The following STAU2 variants were observed in gnomAD, a reference collection of about 807,000 sequenced individuals.
STAU2 encodes the protein staufen double-stranded RNA binding protein 2, also known as double-stranded RNA-binding protein Staufen homolog 2.
Under a neutral mutation model 65.9 loss-of-function variants are expected in STAU2, and 20 were observed. That is an observed-to-expected ratio of 0.30 (90% CI 0.21 to 0.44). The LOEUF (loss-of-function observed/expected upper bound fraction) is 0.44. Ranked by LOEUF, STAU2 falls within the 20% of genes least tolerant of loss-of-function variation. STAU2 has a pLI of 1.00. For missense variants in STAU2, 558 were observed against 683.9 expected (o/e 0.82, Z 2.05); for synonymous variants, 232 against 233.9 (o/e 0.99, Z 0.07).
chr8:73,586,704 A>T (rs943259851), intron 11 of STAU2, among the ~76,000 whole-genome samples: 1 of 151,976 alleles, frequency 6.6e-6, no homozygotes, highest in South Asian at 2.1e-4. Context: ...CACCCATTAA[A>T]CAAGAATAGG....
chr8:73,705,903 G>T (rs1820473195), intron 4 of STAU2, among the ~76,000 whole-genome samples: 1 of 152,052 alleles, frequency 6.6e-6, no homozygotes, highest in Non-Finnish European at 1.5e-5. Flanking sequence ...CCAAACTCTG[G>T]CTGTACTTTT....
intron 6 of STAU2, among the ~76,000 whole-genome samples, chr8:73,659,524 C>T (rs564086919): frequency 3.7e-4 from 56 of 151,950 alleles, no homozygotes; most frequent in African/African-American, 1.2e-3. Context: ...GCAACAAGAG[C>T]GAAACTCTGT....
chr8:73,687,337 T>TTTATATTTATATATATAAATATAAA lies in STAU2; in HGVS notation c.274+1316_274+1317insTTTATATTTATATATATAAATATAA, dbSNP rs1563506804. Among the ~76,000 whole-genome samples, 45 of 100,890 alleles carry TTTATATTTATATATATAAATATAAA rather than the reference T, an allele frequency of 4.5e-4. 1 individual carries two copies. The highest frequency in any genetic ancestry group is 5.5e-4 in the Non-Finnish European group (30 of 54,892). 66.2% of individuals were successfully genotyped at this position (100,890 alleles called of 152,430 possible). A position where few individuals can be genotyped will look rare whatever the true frequency, so the allele number is the denominator to read the frequency against. On this transcript the variant is annotated intron_variant, in intron 5 of 14. Coordinates refer to ENST00000524300, the MANE Select transcript of STAU2 (RefSeq NM_001164380.2). ...TTTATATTTATATTTATAAATATAATTTATATTTATAATTTATATAATATA... is the reference window on the plus strand; with the variant it reads ...TTTATATTTATATTTATAAATATAATTTATATTTATATATATAAATATAAATTATATTTATAATTTATATAATATA...
At chr8:73,510,983 C>A (rs980184849) in intron 13 of STAU2, among the ~76,000 whole-genome samples, 5 of 152,224 alleles carry the variant, frequency 3.3e-5, no homozygotes, top group Admixed American at 2.6e-4. Context: ...TGCAGAAGGT[C>A]AACTGGCAGC....
At chr8:73,703,277 C>G (rs1820252551) in intron 4 of STAU2, among the ~76,000 whole-genome samples, 1 of 151,800 alleles carries the variant, frequency 6.6e-6, no homozygotes, top group South Asian at 2.1e-4. Flanking sequence ...TGTGTGGGAC[C>G]CCCCCAATCC....
chr8:73,451,713 G>T (rs984508919), intron 13 of STAU2, among the ~76,000 whole-genome samples: 4 of 152,198 alleles, frequency 2.6e-5, no homozygotes, highest in African/African-American at 9.6e-5. Flanking sequence ...GGAGAACAAG[G>T]GCTGTTTGTG....
chr8:73,640,842 C>T (rs1390685737), intron 6 of STAU2, among the ~76,000 whole-genome samples: 5 of 151,966 alleles, frequency 3.3e-5, no homozygotes, highest in Admixed American at 2.0e-4. Context: ...TTTTACTATG[C>T]CATTATTTTT....
At position 73,519,184 on chromosome 8, in the gene STAU2, C is replaced by T. The variant is rs566415291; in HGVS notation, c.1530+32828G>A. On this transcript the variant is annotated intron_variant, in intron 13 of 14. Transcript: ENST00000524300. ...CAAGCAAAGCCGCTGAAGTTCAAAA[C>T]CTGCACTGAATCTATCTCAAACAAA... 2.0e-5 allele frequency among the ~76,000 whole-genome samples: 3 copies of T among 152,270 alleles called. No homozygotes were observed. The South Asian group carries it at 6.2e-4, about 32-fold the overall frequency.
At chr8:73,621,824 T>C (rs572015688) in intron 6 of STAU2, among the ~76,000 whole-genome samples, 1 of 152,326 alleles carries the variant, frequency 6.6e-6, no homozygotes, top group South Asian at 2.1e-4. Context: ...GCTGACTCTC[T>C]GCACGATAAA....
In STAU2 at chr8:73,615,759, C is replaced by A. The variant is rs1446291925; in HGVS notation, c.594G>T (p.Val198=). The part of the protein sequence containing the change: ...SPQNGESGKD[V]DDDKDANKSE... The stretch of plus-strand genomic sequence containing the variant: ...ACTTATTTGCATCTTTGTCATCATC[C>A]ACATCCTTTCCTGATTCACCATTCT... Residue 198 remains valine (V), a synonymous_variant, in exon 8 of 15, where the codon GTG becomes GTT. Coordinates refer to ENST00000524300, the MANE Select transcript of STAU2 (RefSeq NM_001164380.2). 6.2e-7 allele frequency: 1 copy of A among 1,613,196 alleles called. No individual in the cohort carries two copies. Among genetic ancestry groups the A allele is most frequent in the East Asian group, 2.2e-5 (1 of 44,852 alleles).
intron 4 of STAU2, among the ~76,000 whole-genome samples, chr8:73,699,220 A>G (rs903189231): frequency 1.3e-5 from 2 of 152,084 alleles, no homozygotes; most frequent in African/African-American, 4.8e-5. Flanking sequence ...ACATCAAAAA[A>G]GTGGAAAAAT....
intron 3 of STAU2, among the ~76,000 whole-genome samples, chr8:73,734,156 C>G (rs1413290492): frequency 1.3e-5 from 2 of 151,266 alleles, no homozygotes; most frequent in East Asian, 1.9e-4. Context: ...AGTATACACC[C>G]CAAAATGTTA....
intron 13 of STAU2, among the ~76,000 whole-genome samples, chr8:73,534,980 G>A (rs1431927847): frequency 6.6e-6 from 1 of 152,174 alleles, no homozygotes; most frequent in Non-Finnish European, 1.5e-5. Flanking sequence ...TTTTAGATAA[G>A]CTTTGAAAAT....
chr8:73,570,468 G>A (rs555443859), intron 12 of STAU2, among the ~76,000 whole-genome samples: 112 of 152,220 alleles, frequency 7.4e-4, no homozygotes, highest in Non-Finnish European at 1.1e-3. Flanking sequence ...CCAAATCTAC[G>A]TCTGACTGGT....
At chr8:73,671,605 G>T (rs1356823752) in intron 6 of STAU2, among the ~76,000 whole-genome samples, 2 of 151,962 alleles carry the variant, frequency 1.3e-5, no homozygotes, top group African/African-American at 4.8e-5. Flanking sequence ...TGTGAACAAA[G>T]ATTTACATAG....
intron 9 of STAU2, among the ~76,000 whole-genome samples, chr8:73,612,412 T>A (rs980720380): frequency 6.6e-6 from 1 of 152,200 alleles, no homozygotes; most frequent in Non-Finnish European, 1.5e-5. Flanking sequence ...GGATTCATAC[T>A]CAGAACTGAC....
At chr8:73,690,001 G>GAA (rs199512635) in intron 4 of STAU2, among the ~76,000 whole-genome samples, 12 of 139,372 alleles carry the variant, frequency 8.6e-5, no homozygotes, top group East Asian at 2.1e-4. Context: ...GTCATAAAAG[G>GAA]AAAAAAAAAA....
chr8:73,516,570 A>G (rs1258244702), intron 13 of STAU2, among the ~76,000 whole-genome samples: 1 of 152,236 alleles, frequency 6.6e-6, no homozygotes, highest in Non-Finnish European at 1.5e-5. Flanking sequence ...AATAACTATT[A>G]GCAATGAAAG....
intron 13 of STAU2, chr8:73,527,883 C>A: frequency 4.3e-5 from 4 of 92,390 alleles, no homozygotes; most frequent in South Asian, 2.3e-4. Context: ...TGCAAAGGGT[C>A]TAGATTTCAC....
Sources: allele counts gnomAD v4.1 joint callset (sites outside exome capture counted in the v4.1 genomes callset), GRCh38; gene constraint gnomAD v4.1.1; transcripts MANE v1.5; gene names NCBI Gene and HGNC (gene_info 2026-07-23, HGNC 2026-07-21).